LRRC8D: variants seen among roughly 807,000 people sequenced by gnomAD.
The protein encoded by LRRC8D is leucine rich repeat containing 8 VRAC subunit D.
LRRC8D carries 20 observed loss-of-function variants against 55.8 expected under a neutral mutation model. That is an observed-to-expected ratio of 0.36 (90% CI 0.25 to 0.52). The LOEUF (loss-of-function observed/expected upper bound fraction) is 0.52. Among genes scored for constraint, LRRC8D ranks in the 20% least tolerant of loss-of-function variants. The pLI is 0.93. For synonymous variants in LRRC8D, 352 were observed against 377.0 expected (o/e 0.93, Z 0.77); for missense variants, 651 against 1,030.8 (o/e 0.63, Z 5.05).
At chr1:89,895,677 G>A (rs2100893186) in intron 2 of LRRC8D, among the ~76,000 whole-genome samples, 1 of 152,088 alleles carries the variant, frequency 6.6e-6, no homozygotes, top group South Asian at 2.1e-4. Context: ...CTTCTGAAAA[G>A]TTGATGAGAC....
Position 89,935,158 on chromosome 1 carries a change from C to T in LRRC8D, c.2090C>T (p.Thr697Ile). The T allele has an allele frequency of 6.2e-7, 1 of 1,614,186 alleles. No individual in the cohort carries two copies. Among genetic ancestry groups the T allele is most frequent in the Non-Finnish European group, 8.5e-7 (1 of 1,180,028 alleles). The change falls in exon 3 of 3, where the codon ACT becomes ATT. Residue 697 changes from threonine (T) to isoleucine (I), a missense_variant. Thr to Ile is a moderately conservative substitution (Grantham distance 89). Coordinates refer to ENST00000337338, the MANE Select transcript of LRRC8D (RefSeq NM_001134479.2). ...AAATTATGGCATAACAAAATTGTTA[C>T]TATTCCTCCCTCTATTACCCATGTC... ...CLKLWHNKIVTIPPSITHVKN... is the reference protein window; with the variant it reads ...CLKLWHNKIVIIPPSITHVKN...
chr1:89,835,958 G>A (rs1032909807), intron 1 of LRRC8D, among the ~76,000 whole-genome samples: 7 of 152,182 alleles, frequency 4.6e-5, no homozygotes, highest in African/African-American at 1.7e-4. Context: ...TAATTATTCA[G>A]TGACCCTCTT....
At chr1:89,863,354 C>G (rs775531961) in intron 2 of LRRC8D, among the ~76,000 whole-genome samples, 68 of 152,258 alleles carry the variant, frequency 4.5e-4, no homozygotes, top group Non-Finnish European at 6.6e-4. Context: ...GAGGCAGACC[C>G]AAAATGTAGA....
intron 1 of LRRC8D, among the ~76,000 whole-genome samples, chr1:89,822,490 G>A (rs911923704): frequency 1.3e-5 from 2 of 152,198 alleles, no homozygotes; most frequent in Non-Finnish European, 2.9e-5. Flanking sequence ...ACATATTTTG[G>A]AAGAGCTGAT....
chr1:89,903,431 T>A (rs1292850311), intron 2 of LRRC8D, among the ~76,000 whole-genome samples: 1 of 152,238 alleles, frequency 6.6e-6, no homozygotes, highest in African/African-American at 2.4e-5. Context: ...TTACCTAGTA[T>A]GTGATCAAAA....
intron 1 of LRRC8D, among the ~76,000 whole-genome samples, chr1:89,824,381 A>T (rs1660716060): frequency 6.6e-6 from 1 of 152,204 alleles, no homozygotes; most frequent in African/African-American, 2.4e-5. Flanking sequence ...ATCATAGCAG[A>T]TGAGCACAGT....
chr1:89,832,198 G>A (rs1245041996), intron 1 of LRRC8D, among the ~76,000 whole-genome samples: 1 of 152,210 alleles, frequency 6.6e-6, no homozygotes, highest in Non-Finnish European at 1.5e-5. Context: ...AACATCGTTT[G>A]TGTAATTTGT....
In LRRC8D at chr1:89,935,712, G is replaced by T; in HGVS notation, c.*67G>T. On this transcript the variant is annotated 3_prime_UTR_variant, in exon 3 of 3. Transcript: ENST00000337338. ...CTAGATTGCAAGTGCTCACGTACAA[G>T]TTATTACAAGATAATGCATTTTAGG... 1 of 1,412,010 alleles carries T rather than the reference G, an allele frequency of 7.1e-7. No individual in the cohort carries two copies. The highest frequency in any genetic ancestry group is 1.3e-5 in the South Asian group (1 of 78,210). 87.5% of individuals were successfully genotyped at this position (1,412,010 alleles called of 1,614,324 possible).
At chr1:89,896,395 C>G (rs900889196) in intron 2 of LRRC8D, among the ~76,000 whole-genome samples, 4 of 152,232 alleles carry the variant, frequency 2.6e-5, no homozygotes, top group African/African-American at 9.6e-5. Flanking sequence ...GTGCCTGGCT[C>G]GTGGTCACGT....
rs1477368307 is a variant in LRRC8D at position 89,843,535 on chromosome 1, G to C, written c.-147-103G>C. On this transcript the variant is annotated intron_variant, in intron 1 of 2. Coordinates refer to ENST00000337338, the MANE Select transcript of LRRC8D (RefSeq NM_001134479.2). The stretch of plus-strand genomic sequence containing the variant: ...TGCCCACCATGGCAGTTATGCAAGC[G>C]GTGACCCCCTGGTCTTGCCTCCCCG... The C allele has an allele frequency of 2.3e-5, 15 of 657,778 alleles. No homozygotes were observed. In the African/African-American group the frequency reaches 2.7e-4, roughly 12 times the overall value. 40.7% of individuals were successfully genotyped at this position (657,778 alleles called of 1,614,324 possible).
chr1:89,925,342 T>A (rs1038645903), intron 2 of LRRC8D, among the ~76,000 whole-genome samples: 1 of 152,154 alleles, frequency 6.6e-6, no homozygotes, highest in Non-Finnish European at 1.5e-5. Context: ...TATGGTGAGT[T>A]GTATAATTAT....
At chr1:89,902,262 T>C (rs1312659655) in intron 2 of LRRC8D, among the ~76,000 whole-genome samples, 1 of 152,280 alleles carries the variant, frequency 6.6e-6, no homozygotes, top group Non-Finnish European at 1.5e-5. Context: ...AGTTTAACCG[T>C]ATTAACAAAG....
intron 2 of LRRC8D, among the ~76,000 whole-genome samples, chr1:89,846,026 G>T (rs903201850): frequency 6.6e-6 from 1 of 151,974 alleles, no homozygotes; most frequent in Admixed American, 6.6e-5. Context: ...TGATCCACCC[G>T]CCTCGGCCTC....
Position 89,930,709 on chromosome 1 carries a change from T to A in LRRC8D, c.-2-2358T>A, listed in dbSNP as rs968278224. Among the ~76,000 whole-genome samples the A allele has an allele frequency of 4.7e-4, 71 of 151,938 alleles. 3 individuals carry two copies. ...GCCAGAAATAAACCTGTGCAAGGTG[T>A]ACTCTCTAGTCTCTGTATGTGAAGT... On this transcript the variant is annotated intron_variant, in intron 2 of 2. Transcript: ENST00000337338.
chr1:89,842,424 C>T (rs1037881374), intron 1 of LRRC8D, among the ~76,000 whole-genome samples: 1 of 152,080 alleles, frequency 6.6e-6, no homozygotes, highest in African/African-American at 2.4e-5. Context: ...AATATTAAGG[C>T]CAAGAGGGAT....
At position 89,933,087 on chromosome 1, in the gene LRRC8D, G is replaced by T. The variant is rs1041768721; in HGVS notation, c.19G>T (p.Val7Phe). ...TCTAGGAATGTTTACCCTTGCGGAA[G>T]TTGCATCACTTAATGACATTCAGCC... MFTLAE[V>F]ASLNDIQPTY... is the part of the protein sequence containing the mutation. The change falls in exon 3 of 3, where the codon GTT (valine) becomes TTT (phenylalanine). Residue 7 changes from valine (V) to phenylalanine (F), a missense_variant. Physicochemically the swap from Val to Phe is conservative, Grantham distance 50. Transcript: ENST00000337338. This position sits in a 1 kb window ranked among gnomAD's most constrained non-coding sequence, Gnocchi z 7.0. The T allele has an allele frequency of 1.2e-6, 2 of 1,606,548 alleles. No individual in the cohort carries two copies. Among genetic ancestry groups the T allele is most frequent in the Non-Finnish European group, 8.5e-7 (1 of 1,173,624 alleles).
In LRRC8D at chr1:89,933,688, C is replaced by T. The variant is rs748247593; in HGVS notation, c.620C>T (p.Pro207Leu). 3 of 1,614,088 alleles carry T rather than the reference C, an allele frequency of 1.9e-6. No individual in the cohort carries two copies. The highest frequency in any genetic ancestry group is 2.2e-5 in the South Asian group (2 of 91,064). Reference sequence around the variant, plus strand: ...ATATTAGGAAAGTGCTTTGAATCCCCTTGGACGACAAAAGCGTTGTCTGAG... The same window carrying T: ...ATATTAGGAAAGTGCTTTGAATCCCTTTGGACGACAAAAGCGTTGTCTGAG... ...VSILGKCFES[P>L]WTTKALSETA... The change falls in exon 3 of 3, where the codon CCT becomes CTT. Residue 207 changes from proline (P) to leucine (L), a missense_variant. Pro to Leu is a moderately conservative substitution (Grantham distance 98, BLOSUM62 -3). Around this residue, in one of 5 missense-constraint regions of LRRC8D, gnomAD observed 178 missense variants for 374.9 expected, o/e 0.47. Coordinates refer to ENST00000337338, the MANE Select transcript of LRRC8D (RefSeq NM_001134479.2). The surrounding 1 kb of genome is among the most constrained non-coding windows in gnomAD (Gnocchi z 7.0).
chr1:89,853,575 A>G (rs1038078898), intron 2 of LRRC8D, among the ~76,000 whole-genome samples: 3 of 152,190 alleles, frequency 2.0e-5, no homozygotes, highest in Non-Finnish European at 4.4e-5. Context: ...TTCTTACAAC[A>G]ATCTCCTGTG....
chr1:89,901,415 T>G (rs1570873417), intron 2 of LRRC8D, among the ~76,000 whole-genome samples: 1 of 152,338 alleles, frequency 6.6e-6, no homozygotes. Flanking sequence ...GTTTCTGAAG[T>G]TCTCTCTAGA....
Sources: allele counts gnomAD v4.1 joint callset (sites outside exome capture counted in the v4.1 genomes callset), GRCh38; gene constraint gnomAD v4.1.1; regional missense constraint gnomAD v4.1.1; non-coding constraint Gnocchi (gnomAD v3.1); transcripts MANE v1.5; gene names NCBI Gene and HGNC (gene_info 2026-07-23, HGNC 2026-07-21).